Variants in LEMD3 observed in about 807,000 individuals in gnomAD.
LEMD3 encodes the protein inner nuclear membrane protein Man1.
Under a neutral mutation model 95.2 loss-of-function variants are expected in LEMD3, and 33 were observed. That is an observed-to-expected ratio of 0.35 (90% confidence interval 0.26 to 0.46). LEMD3 has a LOEUF of 0.46. LEMD3 is among the 20% of genes least tolerant of loss of function. LEMD3 has a pLI of 1.00. For missense variants in LEMD3, 1,210 were observed against 1,192.8 expected, an observed-to-expected ratio of 1.01 and a Z score of -0.21; for synonymous variants, 525 against 474.6, an observed-to-expected ratio of 1.11 and a Z score of -1.38.
At chr12:65,201,280 A>C (rs899649829) in intron 1 of LEMD3, among the ~76,000 whole-genome samples, 1 of 152,090 alleles carries the variant, frequency 6.6e-6, no homozygotes, top group South Asian at 2.1e-4. Context: ...TTCTGGGTCT[A>C]TTGCCTTTCC....
chr12:65,198,844 C>T (rs1464048066), intron 1 of LEMD3, among the ~76,000 whole-genome samples: 1 of 151,434 alleles, frequency 6.6e-6, no homozygotes, highest in African/African-American at 2.4e-5. Context: ...TGTTTTTTTC[C>T]TCCCACGTAT....
intron 1 of LEMD3, among the ~76,000 whole-genome samples, chr12:65,183,992 C>T (rs1004243533): frequency 5.9e-5 from 9 of 152,084 alleles, no homozygotes; most frequent in African/African-American, 1.7e-4. Flanking sequence ...AGCTCAGCTC[C>T]TATTGGCAAA....
chr12:65,239,620 C>T (rs964772857), intron 6 of LEMD3, among the ~76,000 whole-genome samples: 4 of 152,038 alleles, frequency 2.6e-5, no homozygotes, highest in Admixed American at 2.6e-4. Flanking sequence ...TCATGAGGTT[C>T]ACTTTTCTAG....
chr12:65,236,773 A>G (rs1052603684), intron 4 of LEMD3, among the ~76,000 whole-genome samples: 3 of 152,176 alleles, frequency 2.0e-5, no homozygotes, highest in Non-Finnish European at 4.4e-5. Context: ...GTGTTGATTA[A>G]AAGTATAGAA....
intron 1 of LEMD3, among the ~76,000 whole-genome samples, chr12:65,182,149 A>G (rs1868927447): frequency 6.6e-6 from 1 of 152,192 alleles, no homozygotes; most frequent in African/African-American, 2.4e-5. Context: ...ATCTAACTTT[A>G]GAGTTCACAG....
chr12:65,230,101 T>C (rs1870576080), intron 4 of LEMD3, among the ~76,000 whole-genome samples: 1 of 152,178 alleles, frequency 6.6e-6, no homozygotes, highest in African/African-American at 2.4e-5. Context: ...ATGTCGAAAA[T>C]CAGTTGGCTG....
chr12:65,189,285 G>C (rs1240476939), intron 1 of LEMD3, among the ~76,000 whole-genome samples: 1 of 152,146 alleles, frequency 6.6e-6, no homozygotes, highest in Non-Finnish European at 1.5e-5. Context: ...CAAAGGACTG[G>C]TGTATGCTCT....
intron 4 of LEMD3, among the ~76,000 whole-genome samples, chr12:65,228,322 A>G (rs559716437): frequency 9.9e-5 from 15 of 152,096 alleles, no homozygotes; most frequent in Non-Finnish European, 1.6e-4. Context: ...AACTGCTTAT[A>G]TCTACTTAAA....
chr12:65,216,055 A>G lies in LEMD3; in HGVS notation c.1627+12A>G. The G allele has an allele frequency of 6.5e-7, 1 of 1,545,340 alleles. No individual in the cohort carries two copies. ...GGCACAGCTTGCAGGTAATTGTTTT[A>G]ACTTTTATAGTTGCTAAAAATGTTT... On this transcript the variant is annotated intron_variant, in intron 3 of 12. Transcript: ENST00000308330.
At chr12:65,206,322 C>CT (rs147544198) in intron 1 of LEMD3, among the ~76,000 whole-genome samples, 3,572 of 152,218 alleles carry the variant, frequency 0.023, 162 homozygotes, top group African/African-American at 0.082. Context: ...TAAGGTCACA[C>CT]TAGCCTTAAG....
rs374194981 is a variant in LEMD3 at position 65,170,500 on chromosome 12, G to T, written c.904G>T (p.Ala302Ser). 13 of 1,614,010 alleles carry T rather than the reference G, an allele frequency of 8.1e-6. No individual in the cohort carries two copies. Among genetic ancestry groups the T allele is most frequent in the Non-Finnish European group, 1.1e-5 (13 of 1,180,028 alleles). Residue 302 changes from alanine to serine, a missense_variant, in exon 1 of 13, where the codon GCC (alanine) becomes TCC (serine). This residue lies in a region of LEMD3 where 749 missense variants were observed against 622.9 expected (regional missense o/e 1.20). Coordinates refer to ENST00000308330, the MANE Select transcript of LEMD3 (RefSeq NM_014319.5). Reference sequence around the variant, plus strand: ...TCTCCCCCCGCTGACTGCTAAATCGGCCGGCGGCAGGCTGGAGACTTCAGT... The same window carrying T: ...TCTCCCCCCGCTGACTGCTAAATCGTCCGGCGGCAGGCTGGAGACTTCAGT... ...KPLPPLTAKS[A>S]GGRLETSVQG...
chr12:65,237,389 T>G (rs1870804561), intron 4 of LEMD3, among the ~76,000 whole-genome samples: 1 of 152,164 alleles, frequency 6.6e-6, no homozygotes, highest in Non-Finnish European at 1.5e-5. Flanking sequence ...GGAAAGTATT[T>G]TAGTTGCCTT....
At chr12:65,207,896 G>A (rs1045339495) in intron 1 of LEMD3, among the ~76,000 whole-genome samples, 5 of 152,148 alleles carry the variant, frequency 3.3e-5, no homozygotes, top group African/African-American at 1.2e-4. Flanking sequence ...ATGGAAAACA[G>A]TTTACATTTG....
At chr12:65,219,103 T>C (rs1367805998) in intron 4 of LEMD3, among the ~76,000 whole-genome samples, 1 of 152,158 alleles carries the variant, frequency 6.6e-6, no homozygotes. Flanking sequence ...TTTTAGTTTG[T>C]TTTAGAACAT....
chr12:65,209,193 A>G (rs1005696312), intron 1 of LEMD3, among the ~76,000 whole-genome samples: 3 of 152,184 alleles, frequency 2.0e-5, no homozygotes, highest in African/African-American at 7.2e-5. Context: ...ACAGTAGAGC[A>G]GTGTGGTGAA....
At chr12:65,190,558 TGACCTGG>T (rs1406890210) in intron 1 of LEMD3, among the ~76,000 whole-genome samples, 2 of 152,162 alleles carry the variant, frequency 1.3e-5, no homozygotes, top group Non-Finnish European at 2.9e-5. Flanking sequence ...AACCTACCTA[TGACCTGG>T]AAGCCCCTGC....
chr12:65,225,418 T>A (rs780421648), intron 4 of LEMD3, among the ~76,000 whole-genome samples: 4 of 152,204 alleles, frequency 2.6e-5, no homozygotes, highest in Non-Finnish European at 4.4e-5. Context: ...ATATCTTTTC[T>A]GTGGTTGTGG....
At chr12:65,225,026 A>G (rs1358744437) in intron 4 of LEMD3, among the ~76,000 whole-genome samples, 1 of 152,052 alleles carries the variant, frequency 6.6e-6, no homozygotes, top group African/African-American at 2.4e-5. Context: ...TCTGCTTTTG[A>G]ACCCCTCTAA....
chr12:65,220,253 T>G (rs1870243033), intron 4 of LEMD3, among the ~76,000 whole-genome samples: 1 of 152,224 alleles, frequency 6.6e-6, no homozygotes, highest in African/African-American at 2.4e-5. Context: ...TCCCTGATGA[T>G]TACTGATGTT....
Sources: gnomAD v4.1 joint callset for allele counts (sites outside exome capture counted in the v4.1 genomes callset) on GRCh38, gnomAD v4.1.1 for gene constraint, gnomAD v4.1.1 regional missense constraint, MANE v1.5 for transcripts, NCBI Gene and HGNC (gene_info 2026-07-23, HGNC 2026-07-21) for gene names.